CAPN2: variants seen among roughly 807,000 people sequenced by gnomAD.
CAPN2 encodes calpain 2, also known as calpain-2 catalytic subunit.
A neutral mutation model predicts 102.3 loss-of-function variants in CAPN2; 92 were observed. That is an observed-to-expected ratio of 0.90 (90% CI 0.76 to 1.07). The LOEUF is 1.07. CAPN2 is among the 50% of genes least tolerant of loss of function. The pLI is 0.00. For synonymous variants in CAPN2, 340 were observed against 355.4 expected, an observed-to-expected ratio of 0.96 and a Z score of 0.49; for missense variants, 800 against 909.4, an observed-to-expected ratio of 0.88 and a Z score of 1.55.
intron 1 of CAPN2, among the ~76,000 whole-genome samples, chr1:223,702,031 A>AAGGG (rs773252726): frequency 0.56 from 35,131 of 62,196 alleles, 11,941 homozygotes; most frequent in Non-Finnish European, 0.73. Flanking sequence ...AGAGGGAAGG[A>AAGGG]AGGGAGGGAG....
At position 223,725,534 on chromosome 1, in the gene CAPN2, G is replaced by A. The variant is rs889797997; in HGVS notation, c.307+7703G>A. ...CTTTGGGGACAGTACAGCTGGAGGG[G>A]AGTACTGTCAAATGAGGTCGCGTCG... On this transcript the variant is annotated intron_variant, in intron 2 of 20. Coordinates refer to ENST00000295006, the MANE Select transcript of CAPN2 (RefSeq NM_001748.5). The surrounding 1 kb of genome is among the most constrained non-coding windows in gnomAD (Gnocchi z 4.1). Among the ~76,000 whole-genome samples the A allele has an allele frequency of 6.6e-6, 1 of 152,202 alleles. No homozygotes were observed. Among genetic ancestry groups the A allele is most frequent in the African/African-American group, 2.4e-5 (1 of 41,456 alleles).
At chr1:223,762,384 G>A (rs1397207677) in intron 14 of CAPN2, 133 bp downstream of exon 14, 2 of 712,716 alleles carry the variant, frequency 2.8e-6, no homozygotes, top group African/African-American at 1.7e-5. Context: ...ATTGCAAATG[G>A]CACTTGGGTT....
At position 223,755,708 on chromosome 1, in the gene CAPN2, T is replaced by C. The variant is rs1661018417; in HGVS notation, c.1305+59T>C. On this transcript the variant is annotated intron_variant, in intron 10 of 20. Transcript: ENST00000295006. The surrounding 1 kb of genome is among the most constrained non-coding windows in gnomAD (Gnocchi z 4.1). The stretch of plus-strand genomic sequence containing the variant: ...CCATGTGTTCATCTCAGCCCCTGCA[T>C]GGAAAGCTGACCCCAGAGGCAGAAC... The C allele has an allele frequency of 1.4e-6, 2 of 1,458,124 alleles. No homozygotes were observed. Among genetic ancestry groups the C allele is most frequent in the Middle Eastern group, 2.6e-4 (1 of 3,898 alleles). 90.3% of individuals were successfully genotyped at this position (1,458,124 alleles called of 1,614,324 possible).
Position 223,764,174 on chromosome 1 carries a change from C to A in CAPN2, c.1657C>A (p.Leu553Met), listed in dbSNP as rs1426353068. The change falls in exon 15 of 21, where the codon CTG (leucine) becomes ATG (methionine). Residue 553 changes from leucine to methionine, a missense_variant. By Grantham distance (15) the Leu-to-Met change is conservative (BLOSUM62 2). Coordinates refer to ENST00000295006, the MANE Select transcript of CAPN2 (RefSeq NM_001748.5). ...GEDAEISAFE[L>M]QTILRRVLAK... ...GGATGCGGAGATCTCTGCCTTTGAG[C>A]TGCAGACCATCCTGAGAAGGGTTCT... The A allele has an allele frequency of 6.2e-7, 1 of 1,613,870 alleles. No homozygotes were observed. Among genetic ancestry groups the A allele is most frequent in the Non-Finnish European group, 8.5e-7 (1 of 1,179,894 alleles).
intron 20 of CAPN2, among the ~76,000 whole-genome samples, chr1:223,774,466 A>G (rs1398392677): frequency 1.3e-5 from 2 of 152,208 alleles, no homozygotes; most frequent in African/African-American, 4.8e-5. Flanking sequence ...CCGTATCACT[A>G]CAACTTAGAA....
intron 6 of CAPN2, 45 bp downstream of exon 6, chr1:223,749,167 G>T (rs777094351): frequency 6.6e-7 from 1 of 1,525,614 alleles, no homozygotes; most frequent in Non-Finnish European, 9.1e-7. Context: ...GTCCTGACAC[G>T]ATGGCCACAG....
At chr1:223,744,019 C>A (rs1007594783) in intron 2 of CAPN2, 81 bp from the exon 3 acceptor site, 2 of 925,450 alleles carry the variant, frequency 2.2e-6, no homozygotes, top group Non-Finnish European at 3.6e-6. Context: ...GGCTTTAAGC[C>A]CCTGGAGGTG....
In CAPN2 at chr1:223,756,233, A is replaced by AGGCTGG. The variant is rs1661034443; in HGVS notation, c.1305+594_1305+599dup. 6.6e-6 allele frequency among the ~76,000 whole-genome samples: 1 copy of AGGCTGG among 152,182 alleles called. No homozygotes were observed. Among genetic ancestry groups the AGGCTGG allele is most frequent in the African/African-American group, 2.4e-5 (1 of 41,444 alleles). On this transcript the variant is annotated intron_variant, in intron 10 of 20. Coordinates refer to ENST00000295006, the MANE Select transcript of CAPN2 (RefSeq NM_001748.5). This position sits in a 1 kb window ranked among gnomAD's most constrained non-coding sequence, Gnocchi z 4.1. Reference sequence around the variant, plus strand: ...GCATTGCAGTCTCCTCTCCGCCCTCAGGCTGGGGCTGGGGCACTGAGAACT... The same window carrying AGGCTGG: ...GCATTGCAGTCTCCTCTCCGCCCTCAGGCTGGGGCTGGGGCTGGGGCACTGAGAACT...
intron 5 of CAPN2, among the ~76,000 whole-genome samples, chr1:223,747,578 C>T (rs1337037084): frequency 6.6e-6 from 1 of 152,160 alleles, no homozygotes; most frequent in Non-Finnish European, 1.5e-5. Flanking sequence ...GCCTGCAGAG[C>T]AGACAGTGGT....
At chr1:223,773,752 A>T (rs985018453) in intron 20 of CAPN2, among the ~76,000 whole-genome samples, 1 of 152,074 alleles carries the variant, frequency 6.6e-6, no homozygotes, top group South Asian at 2.1e-4. Flanking sequence ...GTTACTCTGG[A>T]GGCTGAGGCA....
chr1:223,772,493 G>A (rs1571824337), intron 20 of CAPN2: 1 of 462,104 alleles, frequency 2.2e-6, no homozygotes, highest in East Asian at 3.2e-5. Flanking sequence ...TGTAGCTCAA[G>A]GTTAAACTAA....
Position 223,725,919 on chromosome 1 carries a change from T to G in CAPN2, c.307+8088T>G, listed in dbSNP as rs764547147. 2.0e-5 allele frequency among the ~76,000 whole-genome samples: 3 copies of G among 152,194 alleles called. No homozygotes were observed. The highest frequency in any genetic ancestry group is 1.5e-5 in the Non-Finnish European group (1 of 68,040). ...ACGATGTTTGCGTCCTTTCTTTTTC[T>G]TTTCCTACAATGCAGGGAACTTTAA... On this transcript the variant is annotated intron_variant, in intron 2 of 20. Coordinates refer to ENST00000295006, the MANE Select transcript of CAPN2 (RefSeq NM_001748.5). The surrounding 1 kb of genome is among the most constrained non-coding windows in gnomAD (Gnocchi z 4.1).
intron 6 of CAPN2, among the ~76,000 whole-genome samples, chr1:223,750,222 C>T (rs1266527161): frequency 6.6e-6 from 1 of 152,162 alleles, no homozygotes; most frequent in Non-Finnish European, 1.5e-5. Context: ...CCCCTAGATT[C>T]ACCGATTGCT....
At chr1:223,736,075 C>G (rs1029205581) in intron 2 of CAPN2, among the ~76,000 whole-genome samples, 2 of 152,204 alleles carry the variant, frequency 1.3e-5, no homozygotes, top group African/African-American at 4.8e-5. Flanking sequence ...CCGCACCCAG[C>G]CTACTCGGGA....
intron 1 of CAPN2, among the ~76,000 whole-genome samples, chr1:223,703,005 G>T (rs1394471189): frequency 6.6e-6 from 1 of 152,174 alleles, no homozygotes; most frequent in Non-Finnish European, 1.5e-5. Flanking sequence ...CCTGGATTTC[G>T]AATCAAGGAA....
chr1:223,719,854 G>A (rs1187046222), intron 2 of CAPN2, among the ~76,000 whole-genome samples: 1 of 152,066 alleles, frequency 6.6e-6, no homozygotes, highest in African/African-American at 2.4e-5. Flanking sequence ...GTATAATGCA[G>A]TATTGGTCAT....
At chr1:223,711,973 A>C (rs1301113115), upstream of CAPN2, among the ~76,000 whole-genome samples, 2 of 152,212 alleles carry the variant, frequency 1.3e-5, no homozygotes, top group Non-Finnish European at 2.9e-5. Context: ...TTGTGATTGC[A>C]ATAGGCCTCC....
rs965608662 is a variant in CAPN2 at position 223,712,992 on chromosome 1, G to T, written c.237+115G>T. ...GCCCGGGTGCTGCAGTGGGGAAGCCGCAAGCCAGGACCTCGCAGTCCTGCG... is the reference window on the plus strand; with the variant it reads ...GCCCGGGTGCTGCAGTGGGGAAGCCTCAAGCCAGGACCTCGCAGTCCTGCG... On this transcript the variant is annotated intron_variant, in intron 1 of 20. Transcript: ENST00000295006. The T allele has an allele frequency of 3.6e-5, 25 of 695,846 alleles. No homozygotes were observed. In the African/African-American group the frequency reaches 4.1e-4, roughly 12 times the overall value. The allele number at this position is 695,846 out of a possible 1,614,324, so 43.1% of individuals were successfully genotyped here.
chr1:223,742,267 C>T (rs1235578623), intron 2 of CAPN2, among the ~76,000 whole-genome samples: 1 of 151,878 alleles, frequency 6.6e-6, no homozygotes, highest in Non-Finnish European at 1.5e-5. Context: ...TGGCAGGTGC[C>T]TATAATCCCA....
Sources: allele counts gnomAD v4.1 joint callset (sites outside exome capture counted in the v4.1 genomes callset), GRCh38; gene constraint gnomAD v4.1.1; non-coding constraint Gnocchi (gnomAD v3.1); transcripts MANE v1.5; gene names NCBI Gene and HGNC (gene_info 2026-07-23, HGNC 2026-07-21).